The following PCMTD1 variants were observed in gnomAD, a reference collection of about 807,000 sequenced individuals.
The protein encoded by PCMTD1 is protein-L-isoaspartate (D-aspartate) O-methyltransferase domain containing 1, also known as protein-L-isoaspartate O-methyltransferase domain-containing protein 1.
In PCMTD1, 12 loss-of-function variants were observed where a neutral mutation model predicts 37.6. The observed-to-expected ratio is 0.32, with a 90% confidence interval of 0.20 to 0.52. PCMTD1 has a LOEUF of 0.52. PCMTD1 is among the 20% of genes least tolerant of loss of function. The pLI, the probability that PCMTD1 is intolerant of heterozygous loss-of-function variation, is 0.97. For synonymous variants in PCMTD1, 117 were observed against 135.8 expected (o/e 0.86, Z 0.96); for missense variants, 235 against 421.3 (o/e 0.56, Z 3.87).
chr8:51,874,874 C>T (rs1477615784), intron 1 of PCMTD1, among the ~76,000 whole-genome samples: 1 of 152,132 alleles, frequency 6.6e-6, no homozygotes, highest in African/African-American at 2.4e-5. Context: ...ATTCAGGGAC[C>T]ATACTCCAGA....
chr8:51,824,257 GTC>G (rs551371594), intron 5 of PCMTD1, among the ~76,000 whole-genome samples: 169 of 152,278 alleles, frequency 1.1e-3, no homozygotes, highest in Non-Finnish European at 1.9e-3. Flanking sequence ...AAGTCAAATT[GTC>G]TCTGTTTGCA....
intron 5 of PCMTD1, among the ~76,000 whole-genome samples, chr8:51,829,342 C>A (rs1033230303): frequency 1.3e-5 from 2 of 152,210 alleles, no homozygotes; most frequent in African/African-American, 4.8e-5. Flanking sequence ...TCTGCATCAT[C>A]GCACACATTC....
intron 1 of PCMTD1, among the ~76,000 whole-genome samples, chr8:51,883,116 G>A (rs940791464): frequency 6.6e-6 from 1 of 151,896 alleles, no homozygotes; most frequent in Admixed American, 6.6e-5. Context: ...CAGCCTGGGC[G>A]ACACAGCGAG....
At chr8:51,865,533 A>C (rs967532488) in intron 1 of PCMTD1, among the ~76,000 whole-genome samples, 5 of 152,072 alleles carry the variant, frequency 3.3e-5, no homozygotes, top group African/African-American at 4.8e-5. Flanking sequence ...ACAAATCAAT[A>C]ATGTGATGGA....
intron 3 of PCMTD1, among the ~76,000 whole-genome samples, chr8:51,835,187 G>A (rs530114026): frequency 3.9e-4 from 60 of 152,266 alleles, no homozygotes; most frequent in Non-Finnish European, 7.9e-4. Context: ...ACAGTGTTTT[G>A]AAATCCTGTA....
At chr8:51,827,019 T>C (rs997626187) in intron 5 of PCMTD1, 1 of 965,254 alleles carries the variant, frequency 1.0e-6, no homozygotes, top group Non-Finnish European at 1.2e-6. Flanking sequence ...TTTGGGATTT[T>C]TGGAGTCGCG....
At chr8:51,829,274 C>T (rs1437385849) in intron 5 of PCMTD1, among the ~76,000 whole-genome samples, 12 of 152,124 alleles carry the variant, frequency 7.9e-5, no homozygotes, top group Admixed American at 5.2e-4. Context: ...GCTGAAGAAA[C>T]ATTTATGCCA....
intron 3 of PCMTD1, among the ~76,000 whole-genome samples, chr8:51,835,488 A>G (rs1490341667): frequency 6.6e-6 from 1 of 152,188 alleles, no homozygotes; most frequent in Non-Finnish European, 1.5e-5. Context: ...AAGTAATTAG[A>G]TACTGTAGAT....
intron 2 of PCMTD1, chr8:51,850,022 TA>T (rs1563345691): frequency 2.9e-6 from 2 of 701,374 alleles, no homozygotes; most frequent in South Asian, 3.0e-5. Context: ...TCACAATACA[TA>T]AAGTTCTGAA....
At chr8:51,821,229 A>G (rs1585777970) in intron 5 of PCMTD1, among the ~76,000 whole-genome samples, 1 of 152,106 alleles carries the variant, frequency 6.6e-6, no homozygotes, top group African/African-American at 2.4e-5. Flanking sequence ...AGCCTCAACC[A>G]CCCAGGCTCA....
intron 1 of PCMTD1, among the ~76,000 whole-genome samples, chr8:51,867,429 T>G (rs2038570823): frequency 6.6e-6 from 1 of 151,606 alleles, no homozygotes; most frequent in Non-Finnish European, 1.5e-5. Flanking sequence ...AGCCAAGATA[T>G]GTAAGCAAGC....
Position 51,817,943 on chromosome 8 carries a change from C to A in PCMTD1, c.*2408G>T, listed in dbSNP as rs992132587. On this transcript the variant is annotated 3_prime_UTR_variant, in exon 6 of 6. Coordinates refer to ENST00000522514, the MANE Select transcript of PCMTD1 (RefSeq NM_052937.4). ...TTTTCTCATCTGCAAAATAAACACC[C>A]AAATTAGATGATACTTACTGTTTTA... The A allele has an allele frequency of 2.2e-6, 1 of 456,790 alleles. No homozygotes were observed. Among genetic ancestry groups the A allele is most frequent in the Non-Finnish European group, 4.4e-6 (1 of 226,974 alleles). 28.3% of individuals were successfully genotyped at this position (456,790 alleles called of 1,614,324 possible).
intron 5 of PCMTD1, among the ~76,000 whole-genome samples, chr8:51,823,337 G>A (rs547929852): frequency 2.6e-5 from 4 of 152,248 alleles, no homozygotes; most frequent in Admixed American, 1.3e-4. Flanking sequence ...GGTGGTACAC[G>A]CCTGTATTCC....
intron 1 of PCMTD1, among the ~76,000 whole-genome samples, chr8:51,897,566 TA>T (rs2039024017): frequency 6.6e-6 from 1 of 152,250 alleles, no homozygotes; most frequent in African/African-American, 2.4e-5. Flanking sequence ...CTTTATGTTT[TA>T]TGGAGTCATC....
At chr8:51,870,066 G>A (rs920743699) in intron 1 of PCMTD1, among the ~76,000 whole-genome samples, 2 of 152,142 alleles carry the variant, frequency 1.3e-5, no homozygotes, top group African/African-American at 4.8e-5. Context: ...ACAAGTTAAA[G>A]GAGGTAGGAA....
chr8:51,826,316 G>A (rs998860859), intron 5 of PCMTD1, among the ~76,000 whole-genome samples: 1 of 152,148 alleles, frequency 6.6e-6, no homozygotes, highest in Non-Finnish European at 1.5e-5. Context: ...GTTGAACAAT[G>A]AGAACACATG....
intron 2 of PCMTD1, among the ~76,000 whole-genome samples, chr8:51,850,792 G>C (rs539168036): frequency 3.5e-4 from 54 of 152,158 alleles, no homozygotes; most frequent in Non-Finnish European, 6.9e-4. Flanking sequence ...AAATTACAAT[G>C]ATATTTTATT....
At chr8:51,858,303 T>C (rs1386637186) in intron 2 of PCMTD1, among the ~76,000 whole-genome samples, 1 of 44,786 alleles carries the variant, frequency 2.2e-5, no homozygotes, top group Non-Finnish European at 4.5e-5. Context: ...GTAGTACCCA[T>C]AGGACCCACT....
intron 1 of PCMTD1, among the ~76,000 whole-genome samples, chr8:51,881,860 A>T (rs933470186): frequency 6.6e-6 from 1 of 152,112 alleles, no homozygotes; most frequent in Non-Finnish European, 1.5e-5. Context: ...TTTCAGGGGC[A>T]CCTCCAGCCA....
Sources: allele counts gnomAD v4.1 joint callset (sites outside exome capture counted in the v4.1 genomes callset), GRCh38; gene constraint gnomAD v4.1.1; transcripts MANE v1.5; gene names NCBI Gene and HGNC (gene_info 2026-07-23, HGNC 2026-07-21).